Variants in SEMA3E observed in about 807,000 individuals in gnomAD.
SEMA3E encodes semaphorin-3E.
In SEMA3E, 49 loss-of-function variants were observed where a neutral mutation model predicts 93.6. That is an observed-to-expected ratio of 0.52 (90% CI 0.42 to 0.66). The LOEUF (loss-of-function observed/expected upper bound fraction) is 0.66, where lower values mean the gene tolerates loss of function less well. Among genes scored for constraint, SEMA3E ranks in the 30% least tolerant of loss-of-function variants. The pLI is 0.00. For missense variants in SEMA3E, 906 were observed against 964.8 expected (o/e 0.94, Z 0.81); for synonymous variants, 363 against 330.7 (o/e 1.10, Z -1.06).
At chr7:83,607,448 G>A (rs1331881513) in intron 1 of SEMA3E, among the ~76,000 whole-genome samples, 2 of 152,158 alleles carry the variant, frequency 1.3e-5, no homozygotes, top group Non-Finnish European at 2.9e-5. Flanking sequence ...GGAGAAGGCT[G>A]CCAATATTGA....
In SEMA3E at chr7:83,366,942, T is replaced by A. The variant is rs1794678127; in HGVS notation, c.*644A>T. Reference sequence around the variant, plus strand: ...CCTTAGTTTTTATTTCCACAGTGAGTGAAAATTAAAGACTGTGTTATAAAG... The same window carrying A: ...CCTTAGTTTTTATTTCCACAGTGAGAGAAAATTAAAGACTGTGTTATAAAG... On this transcript the variant is annotated 3_prime_UTR_variant, in exon 17 of 17. Transcript: ENST00000643230. 5 of 152,138 alleles carry A rather than the reference T, an allele frequency of 3.3e-5. No homozygotes were observed. The highest frequency in any genetic ancestry group is 3.3e-4 in the Admixed American group (5 of 15,270). 9.4% of individuals were successfully genotyped at this position (152,138 alleles called of 1,614,324 possible).
chr7:83,636,861 G>A (rs1179278681), intron 1 of SEMA3E, among the ~76,000 whole-genome samples: 1 of 152,088 alleles, frequency 6.6e-6, no homozygotes, highest in African/African-American at 2.4e-5. Context: ...TCCTGTTCAT[G>A]TTCAAGACTG....
intron 16 of SEMA3E, among the ~76,000 whole-genome samples, chr7:83,384,362 C>A (rs1787839347): frequency 6.6e-6 from 1 of 152,046 alleles, no homozygotes; most frequent in African/African-American, 2.4e-5. Flanking sequence ...CACCTATTAC[C>A]TCTTCTCTGT....
intron 1 of SEMA3E, among the ~76,000 whole-genome samples, chr7:83,534,935 G>A (rs1221944939): frequency 2.0e-5 from 3 of 152,166 alleles, no homozygotes; most frequent in South Asian, 2.1e-4. Flanking sequence ...TTTTATCCTC[G>A]GGGCAATAAT....
chr7:83,438,421 T>C (rs1388546839), intron 4 of SEMA3E, among the ~76,000 whole-genome samples: 2 of 152,196 alleles, frequency 1.3e-5, no homozygotes, highest in Non-Finnish European at 2.9e-5. Flanking sequence ...TTCGTAGTAA[T>C]TGACATCATG....
intron 1 of SEMA3E, among the ~76,000 whole-genome samples, chr7:83,601,432 C>CTTTT (rs113566090): frequency 6.8e-6 from 1 of 148,116 alleles, no homozygotes; most frequent in South Asian, 2.1e-4. Flanking sequence ...ATTACTTACT[C>CTTTT]TTTTTTTTTT....
At chr7:83,539,530 G>C (rs1250378698) in intron 1 of SEMA3E, among the ~76,000 whole-genome samples, 5 of 152,108 alleles carry the variant, frequency 3.3e-5, no homozygotes. Context: ...AGACTGAATT[G>C]GCTCTAAGCC....
intron 1 of SEMA3E, among the ~76,000 whole-genome samples, chr7:83,605,722 G>A (rs927003805): frequency 6.6e-6 from 1 of 152,062 alleles, no homozygotes; most frequent in Non-Finnish European, 1.5e-5. Flanking sequence ...GTGAGCCACT[G>A]TGCCTGGCCA....
rs554941862 is a variant in SEMA3E at position 83,570,842 on chromosome 7, A to T, written c.115+77586T>A. On this transcript the variant is annotated intron_variant, in intron 1 of 16. Coordinates refer to ENST00000643230, the MANE Select transcript of SEMA3E (RefSeq NM_012431.3). ...AAAAAAAGAAGATCCAAATAAGTGCAATCAGAAATGATAAAAAGCCATTAC... is the reference window on the plus strand; with the variant it reads ...AAAAAAAGAAGATCCAAATAAGTGCTATCAGAAATGATAAAAAGCCATTAC... 6.6e-5 allele frequency among the ~76,000 whole-genome samples: 10 copies of T among 151,382 alleles called. No homozygotes were observed. The East Asian group carries it at 1.9e-3, about 29-fold the overall frequency.
chr7:83,608,242 C>T (rs1793169338), intron 1 of SEMA3E, among the ~76,000 whole-genome samples: 1 of 151,870 alleles, frequency 6.6e-6, no homozygotes, highest in South Asian at 2.1e-4. Flanking sequence ...ATTATTTTAG[C>T]TTCATTCAAC....
chr7:83,399,033 A>G (rs554648285), intron 11 of SEMA3E, among the ~76,000 whole-genome samples: 22 of 152,184 alleles, frequency 1.4e-4, no homozygotes, highest in Non-Finnish European at 2.6e-4. Context: ...AAGCCCAAGC[A>G]CCAATATTAA....
chr7:83,502,991 T>A (rs1790623413), intron 1 of SEMA3E, among the ~76,000 whole-genome samples: 1 of 148,888 alleles, frequency 6.7e-6, no homozygotes, highest in African/African-American at 2.5e-5. Context: ...ACAGCAAATA[T>A]ATATGAGTTT....
At chr7:83,598,594 C>G (rs1183769346) in intron 1 of SEMA3E, among the ~76,000 whole-genome samples, 1 of 152,090 alleles carries the variant, frequency 6.6e-6, no homozygotes, top group East Asian at 1.9e-4. Context: ...TAGAGTCCTC[C>G]CTTTGGAAGC....
At chr7:83,552,591 C>A (rs1440253785) in intron 1 of SEMA3E, among the ~76,000 whole-genome samples, 1 of 152,084 alleles carries the variant, frequency 6.6e-6, no homozygotes, top group Non-Finnish European at 1.5e-5. Flanking sequence ...TTGCTAAATT[C>A]TTTTCCTAGC....
chr7:83,537,040 T>TTCTC (rs139961038), intron 1 of SEMA3E, among the ~76,000 whole-genome samples: 1 of 150,212 alleles, frequency 6.7e-6, no homozygotes, highest in African/African-American at 2.5e-5. Context: ...TTCTCCCCCC[T>TTCTC]TCTCTCTCTC....
chr7:83,443,384 G>A (rs746679584), intron 4 of SEMA3E, among the ~76,000 whole-genome samples: 2 of 152,134 alleles, frequency 1.3e-5, no homozygotes, highest in African/African-American at 4.8e-5. Flanking sequence ...CAAAGCATCA[G>A]TTATATGAAC....
intron 2 of SEMA3E, among the ~76,000 whole-genome samples, chr7:83,489,591 A>G (rs928027141): frequency 3.9e-5 from 6 of 152,222 alleles, no homozygotes; most frequent in Admixed American, 3.9e-4. Flanking sequence ...TATAGACTAT[A>G]ATTACAGATT....
intron 12 of SEMA3E, among the ~76,000 whole-genome samples, chr7:83,396,040 GA>G (rs1410727460): frequency 3.1e-5 from 2 of 63,990 alleles, no homozygotes; most frequent in Non-Finnish European, 6.6e-5. Context: ...GATACGACTT[GA>G]TGTGTGTGTG....
chr7:83,418,760 T>C (rs1307611435), intron 4 of SEMA3E, among the ~76,000 whole-genome samples: 1 of 152,212 alleles, frequency 6.6e-6, no homozygotes, highest in East Asian at 1.9e-4. Context: ...TTATTTATTC[T>C]GAGATGTGTC....
Sources: allele counts gnomAD v4.1 joint callset (sites outside exome capture counted in the v4.1 genomes callset), GRCh38; gene constraint gnomAD v4.1.1; transcripts MANE v1.5; gene names NCBI Gene and HGNC (gene_info 2026-07-23, HGNC 2026-07-21).